The following TMPRSS4 variants were observed in gnomAD, a reference collection of about 807,000 sequenced individuals.
TMPRSS4 encodes the protein transmembrane serine protease 4.
TMPRSS4 carries 45 observed loss-of-function variants against 56.4 expected under a neutral mutation model. The ratio of observed to expected loss-of-function variants is 0.80; its 90% CI spans 0.63 to 1.02. The LOEUF (loss-of-function observed/expected upper bound fraction) is 1.02, where lower values mean the gene tolerates loss of function less well. Among genes scored for constraint, TMPRSS4 ranks in the 50% least tolerant of loss-of-function variants. TMPRSS4 has a pLI of 0.00. For missense variants in TMPRSS4, 546 were observed against 556.7 expected (o/e 0.98, Z 0.19); for synonymous variants, 205 against 211.0 (o/e 0.97, Z 0.25).
intron 3 of TMPRSS4, among the ~76,000 whole-genome samples, chr11:118,100,512 T>G (rs546309318): frequency 6.6e-6 from 1 of 152,242 alleles, no homozygotes; most frequent in Admixed American, 6.5e-5. Context: ...CCCGGTCCCC[T>G]GATTGAACAG....
At chr11:118,107,479 G>T (rs1202988874) in intron 5 of TMPRSS4, 1 of 265,474 alleles carries the variant, frequency 3.8e-6, no homozygotes, top group African/African-American at 2.2e-5. Context: ...AATATGGAAA[G>T]GAGACCCCTA....
At chr11:118,080,347 G>A (rs920725817) in intron 1 of TMPRSS4, among the ~76,000 whole-genome samples, 1 of 152,192 alleles carries the variant, frequency 6.6e-6, no homozygotes, top group Admixed American at 6.5e-5. Flanking sequence ...AAGAGTGGTA[G>A]TATAGGGACA....
In TMPRSS4 at chr11:118,114,897, A is replaced by G. The variant is rs1027019619; in HGVS notation, c.979A>G (p.Ile327Val). ...CACTCCAGCCACCCCACTCTGGATC[A>G]TTGGATGGGGCTTTACGAAGCAGAA... Reference protein sequence around the residue: ...ELTPATPLWIIGWGFTKQNGG... With the variant: ...ELTPATPLWIVGWGFTKQNGG... Residue 327 changes from isoleucine to valine, a missense_variant, in exon 10 of 13, where the codon ATT becomes GTT. Coordinates refer to ENST00000437212, the MANE Select transcript of TMPRSS4 (RefSeq NM_019894.4). 12 of 1,606,664 alleles carry G rather than the reference A, an allele frequency of 7.5e-6. No homozygotes were observed. The African/African-American group carries it at 1.5e-4, about 20-fold the overall frequency.
rs1437452118 is a variant in TMPRSS4 at position 118,104,819 on chromosome 11, A to C, written c.439A>C (p.Ser147Arg). 1 of 1,590,430 alleles carries C rather than the reference A, an allele frequency of 6.3e-7. No homozygotes were observed. ...ETACRQMGYS[S>R]KPTFRAVEIG... ...AGCCTGTAGGCAGATGGGCTACAGC[A>C]GGTAACCAACCTGGGCCTCTCTCCT... Residue 147 changes from serine (S) to arginine (R), a missense_variant and splice_region_variant, in exon 5 of 13, where the codon AGC becomes CGC. Physicochemically the swap from Ser to Arg is moderately radical, Grantham distance 110. Transcript: ENST00000437212.
chr11:118,121,833 C>T lies in TMPRSS4; in HGVS notation c.*3920C>T, dbSNP rs1947801841. On this transcript the variant is annotated 3_prime_UTR_variant, in exon 13 of 13. Transcript: ENST00000437212. ...CCATTGTGGGTTAATTTTTAAAGGC[C>T]TAACTGAAATATGGAGTAACCACAG... The T allele has an allele frequency of 6.6e-6, 1 of 151,908 alleles. No individual in the cohort carries two copies. The highest frequency in any genetic ancestry group is 2.4e-5 in the African/African-American group (1 of 41,312). The allele number at this position is 151,908 out of a possible 1,614,324, so 9.4% of individuals were successfully genotyped here.
chr11:118,086,335 G>A (rs1277369838), intron 1 of TMPRSS4, among the ~76,000 whole-genome samples: 1 of 152,254 alleles, frequency 6.6e-6, no homozygotes, highest in Non-Finnish European at 1.5e-5. Flanking sequence ...GAGCCATTAT[G>A]TGCTGAGATG....
At position 118,118,318 on chromosome 11, in the gene TMPRSS4, C is replaced by T. The variant is rs950092153; in HGVS notation, c.*405C>T. The T allele has an allele frequency of 3.7e-6, 4 of 1,071,278 alleles. No individual in the cohort carries two copies. The African/African-American group carries it at 6.7e-5, about 18-fold the overall frequency. The allele number at this position is 1,071,278 out of a possible 1,614,324, so 66.4% of individuals were successfully genotyped here. A position where few individuals can be genotyped will look rare whatever the true frequency, so the allele number is the denominator to read the frequency against. On this transcript the variant is annotated 3_prime_UTR_variant, in exon 13 of 13. Coordinates refer to ENST00000437212, the MANE Select transcript of TMPRSS4 (RefSeq NM_019894.4). ...CCAGCCCTGTCCGTCTTCACCCATC[C>T]CCAAGCCTACTAGAGCAAGAAACCA...
intron 1 of TMPRSS4, among the ~76,000 whole-genome samples, chr11:118,080,445 C>T (rs1185634514): frequency 1.3e-5 from 2 of 152,170 alleles, no homozygotes; most frequent in African/African-American, 4.8e-5. Context: ...CATCCCCAGG[C>T]CCTGTCCATC....
rs1217623337 is a variant in TMPRSS4, at chr11:118,118,015, C to A, written c.*102C>A. 1.9e-6 allele frequency: 3 copies of A among 1,598,348 alleles called. No homozygotes were observed. Among genetic ancestry groups the A allele is most frequent in the South Asian group, 1.1e-5 (1 of 89,922 alleles). ...CAGAGCAAGAGTCCCCTTGGGTACACCCCTCTGCCCACAGCCTCAGCATTT... is the reference window on the plus strand; with the variant it reads ...CAGAGCAAGAGTCCCCTTGGGTACAACCCTCTGCCCACAGCCTCAGCATTT... On this transcript the variant is annotated 3_prime_UTR_variant, in exon 13 of 13. Transcript: ENST00000437212.
At chr11:118,123,751 C>G (rs1018771242), downstream of TMPRSS4, among the ~76,000 whole-genome samples, 7 of 152,062 alleles carry the variant, frequency 4.6e-5, no homozygotes, top group Non-Finnish European at 7.4e-5. Context: ...GTCTTGATCT[C>G]CTGACCTCGT....
intron 7 of TMPRSS4, 94 bp from the exon 8 acceptor site, chr11:118,111,647 C>T: frequency 2.0e-6 from 2 of 1,023,150 alleles, no homozygotes; most frequent in South Asian, 1.9e-5. Context: ...GCCATAAGGG[C>T]CCTGCTTAGA....
chr11:118,099,729 C>G (rs1054133782), intron 3 of TMPRSS4, among the ~76,000 whole-genome samples: 1 of 152,072 alleles, frequency 6.6e-6, no homozygotes, highest in African/African-American at 2.4e-5. Flanking sequence ...CTCTGAGCAG[C>G]GGCTGGAAGA....
chr11:118,107,774 C>CA lies in TMPRSS4; in HGVS notation c.444dup (p.Pro149ThrfsTer18). 1 of 1,613,996 alleles carries CA rather than the reference C, an allele frequency of 6.2e-7. No individual in the cohort carries two copies. The highest frequency in any genetic ancestry group is 8.5e-7 in the Non-Finnish European group (1 of 1,179,906). ...TCTCTCTCCCTCTTGATGTGAGCAG[C>CA]AAACCCACTTTCAGAGCTGTGGAGA... On this transcript the variant is annotated frameshift_variant and splice_region_variant, in exon 6 of 13. Coordinates refer to ENST00000437212, the MANE Select transcript of TMPRSS4 (RefSeq NM_019894.4). LOFTEE classifies it high-confidence loss of function.
At position 118,078,013 on chromosome 11, in the gene TMPRSS4, C is replaced by CAAAAAAAAA. The variant is rs148383275; in HGVS notation, c.3+731_3+739dup. ...GGGCAACAAGAGTGAAACTCCGTCT[C>CAAAAAAAAA]AAAAAAAAAAAAAAAAAAAAAAAAA... On this transcript the variant is annotated intron_variant, in intron 1 of 12. Transcript: ENST00000437212. Among the ~76,000 whole-genome samples the CAAAAAAAAA allele has an allele frequency of 5.6e-4, 40 of 71,038 alleles. 1 individual carries two copies. The highest frequency in any genetic ancestry group is 1.3e-3 in the African/African-American group (23 of 18,084). 46.6% of individuals were successfully genotyped at this position (71,038 alleles called of 152,430 possible). A position where few individuals can be genotyped will look rare whatever the true frequency, so the allele number is the denominator to read the frequency against.
intron 1 of TMPRSS4, among the ~76,000 whole-genome samples, chr11:118,080,285 G>A (rs1945019803): frequency 6.6e-6 from 1 of 152,244 alleles, no homozygotes; most frequent in Admixed American, 6.5e-5. Flanking sequence ...TCCAGGCAGG[G>A]AAAGCAGGAA....
At chr11:118,095,804 G>A (rs1946253898) in intron 2 of TMPRSS4, among the ~76,000 whole-genome samples, 3 of 152,220 alleles carry the variant, frequency 2.0e-5, no homozygotes, top group African/African-American at 7.2e-5. Flanking sequence ...GAAGTCTCTT[G>A]TAGGCCCTCG....
At chr11:118,077,451 A>G in intron 1 of TMPRSS4, 146 bp downstream of exon 1, 1 of 970,386 alleles carries the variant, frequency 1.0e-6, no homozygotes, top group Non-Finnish European at 1.5e-6. Flanking sequence ...ATCCCCTCAC[A>G]CCCCAGCCCG....
At chr11:118,109,857 C>T (rs1032980802) in intron 7 of TMPRSS4, among the ~76,000 whole-genome samples, 3 of 152,156 alleles carry the variant, frequency 2.0e-5, no homozygotes, top group Non-Finnish European at 2.9e-5. Context: ...ATACCTAGTG[C>T]GTGGGATCTG....
At chr11:118,090,535 G>A (rs896331670) in intron 1 of TMPRSS4, among the ~76,000 whole-genome samples, 1 of 151,868 alleles carries the variant, frequency 6.6e-6, no homozygotes, top group African/African-American at 2.4e-5. Context: ...CCAGAACTTT[G>A]GGAGGCTGCG....
Sources: gnomAD v4.1 joint callset for allele counts (sites outside exome capture counted in the v4.1 genomes callset) on GRCh38, gnomAD v4.1.1 for gene constraint, MANE v1.5 for transcripts, NCBI Gene and HGNC (gene_info 2026-07-23, HGNC 2026-07-21) for gene names.